The following CUBN variants were observed in gnomAD, a reference collection of about 807,000 sequenced individuals.
CUBN encodes the protein cubilin, also known as 460 kDa receptor.
A neutral mutation model predicts 405.3 loss-of-function variants in CUBN; 282 were observed. The ratio of observed to expected loss-of-function variants is 0.70; its 90% confidence interval spans 0.63 to 0.77. The LOEUF (loss-of-function observed/expected upper bound fraction) is 0.77, where lower values mean the gene tolerates loss of function less well. Ranked by LOEUF, CUBN falls within the 30% of genes least tolerant of loss-of-function variation. The pLI, the probability that CUBN is intolerant of heterozygous loss-of-function variation, is 0.00. For missense variants in CUBN, 4,514 were observed against 4,475.2 expected, an observed-to-expected ratio of 1.01 and a Z score of -0.25; for synonymous variants, 1,684 against 1,617.0, an observed-to-expected ratio of 1.04 and a Z score of -0.99.
chr10:16,975,547 G>A (rs1833065279), intron 31 of CUBN, among the ~76,000 whole-genome samples: 1 of 151,978 alleles, frequency 6.6e-6, no homozygotes, highest in African/African-American at 2.4e-5. Flanking sequence ...GGAAACAAGG[G>A]GTAGAGCAAT....
In CUBN at chr10:16,845,149, A is replaced by T. The variant is rs540524049; in HGVS notation, c.9664-4102T>A. Among the ~76,000 whole-genome samples, 14 of 152,336 alleles carry T rather than the reference A, an allele frequency of 9.2e-5. No individual in the cohort carries two copies. The East Asian group carries it at 2.1e-3, about 23-fold the overall frequency. Reference sequence around the variant, plus strand: ...AATCCCACATTTCACCCAGCTATTGACTTGAGCAGTTAGAAAAACTGGGAA... The same window carrying T: ...AATCCCACATTTCACCCAGCTATTGTCTTGAGCAGTTAGAAAAACTGGGAA... On this transcript the variant is annotated intron_variant, in intron 60 of 66. Transcript: ENST00000377833.
At chr10:16,914,445 G>A (rs1841825283) in intron 47 of CUBN, among the ~76,000 whole-genome samples, 1 of 152,070 alleles carries the variant, frequency 6.6e-6, no homozygotes, top group Non-Finnish European at 1.5e-5. Flanking sequence ...TGTAATCTCA[G>A]CTACTCAGGA....
At chr10:16,854,580 G>A (rs1839815570) in intron 59 of CUBN, among the ~76,000 whole-genome samples, 1 of 152,184 alleles carries the variant, frequency 6.6e-6, no homozygotes. Context: ...GCACTGAAGA[G>A]TTGGAGGTAG....
At chr10:16,918,821 T>C (rs763713428) in intron 44 of CUBN, 21 bp from the exon 45 acceptor site, 8 of 1,610,282 alleles carry the variant, frequency 5.0e-6, no homozygotes, top group African/African-American at 1.3e-5. Context: ...AACAAAATTC[T>C]GTTAAATTTA....
intron 39 of CUBN, among the ~76,000 whole-genome samples, chr10:16,933,752 C>T (rs781558625): frequency 6.6e-6 from 1 of 152,076 alleles, no homozygotes; most frequent in Non-Finnish European, 1.5e-5. Flanking sequence ...ATGTGTGTGG[C>T]CTTCTAGATT....
intron 31 of CUBN, among the ~76,000 whole-genome samples, chr10:16,974,804 G>A (rs1349877959): frequency 6.6e-6 from 1 of 152,136 alleles, no homozygotes; most frequent in African/African-American, 2.4e-5. Flanking sequence ...CACTCAATGT[G>A]AAGATGATGA....
intron 31 of CUBN, among the ~76,000 whole-genome samples, chr10:16,958,876 A>C (rs1843143976): frequency 6.6e-6 from 1 of 152,168 alleles, no homozygotes; most frequent in Non-Finnish European, 1.5e-5. Context: ...AAAGAGCAGA[A>C]ATTTATTTCT....
chr10:16,970,199 T>C (rs189568974), intron 31 of CUBN, among the ~76,000 whole-genome samples: 1 of 152,340 alleles, frequency 6.6e-6, no homozygotes, highest in East Asian at 1.9e-4. Flanking sequence ...GCAAGGACAC[T>C]TTCCATTTCA....
chr10:16,875,474 A>C (rs1270859737), intron 57 of CUBN, among the ~76,000 whole-genome samples: 1 of 152,154 alleles, frequency 6.6e-6, no homozygotes, highest in African/African-American at 2.4e-5. Flanking sequence ...TGAGGAACAA[A>C]TTGAGGCTGC....
chr10:16,949,763 T>C (rs749097081), intron 34 of CUBN, among the ~76,000 whole-genome samples: 4 of 152,184 alleles, frequency 2.6e-5, no homozygotes, highest in Non-Finnish European at 5.9e-5. Context: ...AATTTTTAAA[T>C]GTTTTAAAAC....
At chr10:16,877,589 T>C (rs1168124908) in intron 56 of CUBN, among the ~76,000 whole-genome samples, 3 of 152,176 alleles carry the variant, frequency 2.0e-5, no homozygotes, top group Admixed American at 6.5e-5. Flanking sequence ...GAAAACTTGC[T>C]CCAAGCTTAT....
intron 43 of CUBN, among the ~76,000 whole-genome samples, chr10:16,924,654 T>C (rs1842129362): frequency 6.6e-6 from 1 of 152,108 alleles, no homozygotes; most frequent in South Asian, 2.1e-4. Context: ...TGCCTATTTA[T>C]TTATTTATTT....
chr10:16,835,770 T>C (rs1234468426), intron 63 of CUBN, among the ~76,000 whole-genome samples: 1 of 152,138 alleles, frequency 6.6e-6, no homozygotes, highest in African/African-American at 2.4e-5. Flanking sequence ...GGCTTTTTGA[T>C]TTTTACAAAA....
chr10:16,915,313 A>G, intron 46 of CUBN, 141 bp from the exon 47 acceptor site: 3 of 992,140 alleles, frequency 3.0e-6, no homozygotes, highest in Non-Finnish European at 3.0e-6. Context: ...TGTCAAGACA[A>G]CAGGAAAACA....
chr10:16,824,668 C>G lies in CUBN; in HGVS notation c.*307G>C, dbSNP rs1347692326. ...CTCGAGTGGCTGGAATTACAGGCAC[C>G]CACCACCACGCCTGGCTAATTATTA... On this transcript the variant is annotated 3_prime_UTR_variant, in exon 67 of 67. Transcript: ENST00000377833. The G allele has an allele frequency of 2.0e-5, 7 of 350,338 alleles. No homozygotes were observed. In the East Asian group the frequency reaches 5.1e-4, roughly 26 times the overall value. The allele number at this position is 350,338 out of a possible 1,614,324, so 21.7% of individuals were successfully genotyped here. A position where few individuals can be genotyped will look rare whatever the true frequency, so the allele number is the denominator to read the frequency against.
At chr10:16,827,334 AT>A (rs1255648108) in intron 66 of CUBN, among the ~76,000 whole-genome samples, 21 of 152,388 alleles carry the variant, frequency 1.4e-4, no homozygotes, top group South Asian at 8.3e-4. Flanking sequence ...ACAGTAAAAA[AT>A]ATGCATGTAA....
chr10:16,969,778 G>A (rs77061223), intron 31 of CUBN, among the ~76,000 whole-genome samples: 1,718 of 152,244 alleles, frequency 0.011, 37 homozygotes, highest in African/African-American at 0.039. Flanking sequence ...AACCTATAGG[G>A]ACTAGGCCTA....
chr10:17,080,852 C>A (rs1383423518), intron 17 of CUBN, among the ~76,000 whole-genome samples: 1 of 152,164 alleles, frequency 6.6e-6, no homozygotes, highest in East Asian at 1.9e-4. Flanking sequence ...GCTTCCATCA[C>A]CTTCATTGAA....
intron 58 of CUBN, among the ~76,000 whole-genome samples, chr10:16,870,728 C>T (rs556457460): frequency 6.6e-6 from 1 of 152,326 alleles, no homozygotes; most frequent in Non-Finnish European, 1.5e-5. Context: ...ACTGAACATG[C>T]TCATTACAAT....
Sources: allele counts gnomAD v4.1 joint callset (sites outside exome capture counted in the v4.1 genomes callset), GRCh38; gene constraint gnomAD v4.1.1; transcripts MANE v1.5; gene names NCBI Gene and HGNC (gene_info 2026-07-23, HGNC 2026-07-21).